Variants in BMS1 observed in about 807,000 individuals in gnomAD.
BMS1 encodes the protein BMS1 ribosome biogenesis factor, also known as ribosome biogenesis protein BMS1 homolog.
Under a neutral mutation model 138.7 loss-of-function variants are expected in BMS1, and 53 were observed. The ratio of observed to expected loss-of-function variants is 0.38; its 90% CI spans 0.31 to 0.48. BMS1 has a LOEUF of 0.48. Ranked by LOEUF, BMS1 falls within the 20% of genes least tolerant of loss-of-function variation. The pLI, the probability that BMS1 is intolerant of heterozygous loss-of-function variation, is 0.97. For synonymous variants in BMS1, 504 were observed against 539.9 expected (o/e 0.93, Z 0.92); for missense variants, 1,360 against 1,565.5 (o/e 0.87, Z 2.22).
intron 15 of BMS1, among the ~76,000 whole-genome samples, chr10:42,818,850 A>C (rs1457347130): frequency 6.6e-6 from 1 of 152,190 alleles, no homozygotes; most frequent in Non-Finnish European, 1.5e-5. Context: ...AGTCCTGAGC[A>C]GTGCCTAGGA....
chr10:42,803,238 A>G (rs1219742377), intron 13 of BMS1, among the ~76,000 whole-genome samples: 1 of 152,192 alleles, frequency 6.6e-6, no homozygotes, highest in Non-Finnish European at 1.5e-5. Context: ...TCCTAGGCTT[A>G]AGAGATACTC....
rs1234733995 is a variant in BMS1, at chr10:42,833,386, G to A, written c.*2290G>A. On this transcript the variant is annotated 3_prime_UTR_variant, in exon 23 of 23. Coordinates refer to ENST00000374518, the MANE Select transcript of BMS1 (RefSeq NM_014753.4). Reference sequence around the variant, plus strand: ...ACAGTCACACATCAGTTAAGGATGGGGATATATTCTGAGAAATGTATCATT... The same window carrying A: ...ACAGTCACACATCAGTTAAGGATGGAGATATATTCTGAGAAATGTATCATT... 2.0e-5 allele frequency: 3 copies of A among 152,160 alleles called. No homozygotes were observed. The highest frequency in any genetic ancestry group is 7.2e-5 in the African/African-American group (3 of 41,430). The allele number at this position is 152,160 out of a possible 1,614,324, so 9.4% of individuals were successfully genotyped here. A position where few individuals can be genotyped will look rare whatever the true frequency, so the allele number is the denominator to read the frequency against.
At chr10:42,812,382 C>T (rs1001477620) in intron 13 of BMS1, among the ~76,000 whole-genome samples, 11 of 152,116 alleles carry the variant, frequency 7.2e-5, no homozygotes, top group Non-Finnish European at 1.5e-4. Flanking sequence ...CTCAAGCTAT[C>T]CTTTGTCTTT....
intron 19 of BMS1, 79 bp downstream of exon 19, chr10:42,822,263 G>C: frequency 1.1e-6 from 1 of 883,048 alleles, no homozygotes; most frequent in Non-Finnish European, 1.7e-6. Flanking sequence ...TTAAAATATG[G>C]GCCTCATATT....
chr10:42,827,185 A>G (rs1842672009), intron 21 of BMS1, among the ~76,000 whole-genome samples: 1 of 152,066 alleles, frequency 6.6e-6, no homozygotes. Context: ...AGCCCCTTGC[A>G]TACACCTGTT....
intron 13 of BMS1, among the ~76,000 whole-genome samples, chr10:42,814,653 T>C (rs1842286132): frequency 6.6e-6 from 1 of 152,234 alleles, no homozygotes; most frequent in South Asian, 2.1e-4. Context: ...TTGTGGGCTG[T>C]GATTCCAATG....
At chr10:42,809,919 G>T (rs1156885562) in intron 13 of BMS1, among the ~76,000 whole-genome samples, 1 of 151,510 alleles carries the variant, frequency 6.6e-6, no homozygotes, top group Non-Finnish European at 1.5e-5. Flanking sequence ...CCACGTAGCT[G>T]GGACTACAAG....
intron 15 of BMS1, among the ~76,000 whole-genome samples, chr10:42,818,221 A>C (rs1293741258): frequency 2.0e-5 from 3 of 152,224 alleles, no homozygotes; most frequent in Non-Finnish European, 2.9e-5. Flanking sequence ...CTATTTCCTG[A>C]TTAGGCATTA....
At chr10:42,794,746 C>A (rs868397444) in intron 9 of BMS1, among the ~76,000 whole-genome samples, 1 of 150,594 alleles carries the variant, frequency 6.6e-6, no homozygotes, top group Non-Finnish European at 1.5e-5. Flanking sequence ...AATTTTATTT[C>A]TATATTATCA....
chr10:42,795,747 T>G (rs12773638), intron 9 of BMS1, among the ~76,000 whole-genome samples: 1 of 152,246 alleles, frequency 6.6e-6, no homozygotes, highest in African/African-American at 2.4e-5. Context: ...TTTTATCCTG[T>G]GATTTTAGCT....
Position 42,790,574 on chromosome 10 carries a change from C to G in BMS1, c.636+63C>G, listed in dbSNP as rs958426031. On this transcript the variant is annotated intron_variant, in intron 5 of 22. Coordinates refer to ENST00000374518, the MANE Select transcript of BMS1 (RefSeq NM_014753.4). ...ATCCTTTTAAAATAGACTGAAGAGG[C>G]CGGGTGCAGTGGCTAACACCTGTAA... 3 of 1,551,530 alleles carry G rather than the reference C, an allele frequency of 1.9e-6. No homozygotes were observed. The African/African-American group carries it at 4.1e-5, about 21-fold the overall frequency.
chr10:42,820,661 C>A lies in BMS1; in HGVS notation c.2923C>A (p.His975Asn), dbSNP rs1473703463. The change falls in exon 17 of 23, where the codon CAC (histidine) becomes AAC (asparagine). Residue 975 changes from histidine to asparagine, a missense_variant. Physicochemically the swap from His to Asn is moderately conservative, Grantham distance 68. Coordinates refer to ENST00000374518, the MANE Select transcript of BMS1 (RefSeq NM_014753.4). ...AAGGCTTCTAAAGTATACCCCACAGCACATGCATTGCGGAGCAGCCTTTTG... is the reference window on the plus strand; with the variant it reads ...AAGGCTTCTAAAGTATACCCCACAGAACATGCATTGCGGAGCAGCCTTTTG... ...RQRLLKYTPQHMHCGAAFWGP... is the reference protein window; with the variant it reads ...RQRLLKYTPQNMHCGAAFWGP... 6.2e-7 allele frequency: 1 copy of A among 1,611,986 alleles called. No homozygotes were observed. Among genetic ancestry groups the A allele is most frequent in the Non-Finnish European group, 8.5e-7 (1 of 1,179,836 alleles).
At position 42,798,461 on chromosome 10, in the gene BMS1, T is replaced by C; in HGVS notation, c.2090-7T>C. ...TTCTCACTTTTCTGCCATGGTGTGC[T>C]CTTTAGTGACAGAAGATAATGAAGA... On this transcript the variant is annotated splice_polypyrimidine_tract_variant and splice_region_variant and intron_variant, in intron 11 of 22. Coordinates refer to ENST00000374518, the MANE Select transcript of BMS1 (RefSeq NM_014753.4). The C allele has an allele frequency of 6.2e-7, 1 of 1,614,194 alleles. No homozygotes were observed. The highest frequency in any genetic ancestry group is 8.5e-7 in the Non-Finnish European group (1 of 1,180,026).
In BMS1 at chr10:42,798,487, A is replaced by G. The variant is rs777965707; in HGVS notation, c.2109A>G (p.Glu703=). The G allele has an allele frequency of 1.9e-6, 3 of 1,614,250 alleles. No homozygotes were observed. In the East Asian group the frequency reaches 6.7e-5, roughly 36 times the overall value. ...IYGTVTEDNE[E]EDDDTLEELG... is the part of the protein sequence containing the mutation. ...CTTTAGTGACAGAAGATAATGAAGA[A>G]GAAGATGATGATACTCTAGAAGAGC... is the stretch of plus-strand genomic sequence containing the variant. The change falls in exon 12 of 23, where the codon GAA becomes GAG. Residue 703 remains glutamate (E), a synonymous_variant. Coordinates refer to ENST00000374518, the MANE Select transcript of BMS1 (RefSeq NM_014753.4).
intron 6 of BMS1, among the ~76,000 whole-genome samples, chr10:42,792,062 G>C (rs1199958602): frequency 6.6e-6 from 1 of 152,106 alleles, no homozygotes; most frequent in African/African-American, 2.4e-5. Flanking sequence ...TCATGCCCGG[G>C]TGCTTGAGTC....
intron 12 of BMS1, among the ~76,000 whole-genome samples, chr10:42,800,244 GA>G (rs1469033907): frequency 1.3e-5 from 2 of 152,140 alleles, no homozygotes; most frequent in Non-Finnish European, 2.9e-5. Context: ...AGTTGGATGG[GA>G]TTTAAATTTG....
Position 42,793,988 on chromosome 10 carries a change from A to C in BMS1, c.1226A>C (p.Gln409Pro). 1 of 1,611,598 alleles carries C rather than the reference A, an allele frequency of 6.2e-7. No individual in the cohort carries two copies. Among genetic ancestry groups the C allele is most frequent in the Non-Finnish European group, 8.5e-7 (1 of 1,179,744 alleles). ...KPLGSEDIDN[Q>P]GLMMPKEEKQ... ...CTTGGGTCAGAGGATATAGATAATC[A>C]AGGGTAAGTCTGCTTTTTTTCTATT... Residue 409 changes from glutamine (Q) to proline (P), a missense_variant, in exon 9 of 23, where the codon CAA becomes CCA. Physicochemically the swap from Gln to Pro is moderately conservative, Grantham distance 76 (BLOSUM62 -1). Transcript: ENST00000374518.
chr10:42,784,473 C>T lies in BMS1; in HGVS notation c.79C>T (p.Gln27Ter). The change falls in exon 2 of 23, where the codon CAG becomes TAG. Residue 27 changes from glutamine to a stop codon, truncating the protein, a stop_gained. Coordinates refer to ENST00000374518, the MANE Select transcript of BMS1 (RefSeq NM_014753.4). LOFTEE classifies it high-confidence loss of function. ...KAAKKKKRLL[Q>*]DLQLGDEEDA... ...TGCAAAGAAAAAGAAGCGGCTTCTG[C>T]AGGATCTCCAGCTAGGAGACGAAGA... 1 of 1,613,896 alleles carries T rather than the reference C, an allele frequency of 6.2e-7. No individual in the cohort carries two copies.
rs79515590 is a variant in BMS1, at chr10:42,794,469, T to A, written c.1229+478T>A. Among the ~76,000 whole-genome samples, 395 of 151,962 alleles carry A rather than the reference T, an allele frequency of 2.6e-3. 14 individuals carry two copies. The East Asian group carries it at 0.068, about 26-fold the overall frequency. ...GGTTGGGGATTTGTATACCTTTATA[T>A]GCAGTGGATGTTTGCAAAACATTGG... On this transcript the variant is annotated intron_variant, in intron 9 of 22. Transcript: ENST00000374518.
Sources: allele counts gnomAD v4.1 joint callset (sites outside exome capture counted in the v4.1 genomes callset), GRCh38; gene constraint gnomAD v4.1.1; transcripts MANE v1.5; gene names NCBI Gene and HGNC (gene_info 2026-07-23, HGNC 2026-07-21).